The following DENND5A variants were observed in gnomAD, a reference collection of about 807,000 sequenced individuals.
DENND5A encodes the protein DENN domain containing 5A.
In DENND5A, 64 loss-of-function variants were observed where a neutral mutation model predicts 140.3. That is an observed-to-expected ratio of 0.46 (90% confidence interval 0.37 to 0.56). The LOEUF is 0.56. Among genes scored for constraint, DENND5A ranks in the 20% least tolerant of loss-of-function variants. The probability of loss-of-function intolerance (pLI) is 0.00; values close to 1 mark genes in which losing one functional copy is unlikely to be tolerated. For synonymous variants in DENND5A, 605 were observed against 607.7 expected, an observed-to-expected ratio of 1.00 and a Z score of 0.07; for missense variants, 1,292 against 1,593.8, an observed-to-expected ratio of 0.81 and a Z score of 3.22.
chr11:9,229,976 C>T (rs1033175454), intron 1 of DENND5A, among the ~76,000 whole-genome samples: 2 of 135,968 alleles, frequency 1.5e-5, no homozygotes, highest in East Asian at 4.6e-4. Flanking sequence ...GTGATCTCAG[C>T]TCCTTGCAAG....
intron 1 of DENND5A, among the ~76,000 whole-genome samples, chr11:9,249,714 A>C (rs1462393870): frequency 6.6e-6 from 1 of 151,902 alleles, no homozygotes; most frequent in African/African-American, 2.4e-5. Flanking sequence ...TGCCTGGCTA[A>C]TTTTTGTGTA....
At chr11:9,232,670 A>G (rs549050315) in intron 1 of DENND5A, among the ~76,000 whole-genome samples, 1 of 152,322 alleles carries the variant, frequency 6.6e-6, no homozygotes, top group Admixed American at 6.5e-5. Context: ...GGCAGCACCT[A>G]CTAAAGCTGA....
At chr11:9,179,199 G>A (rs1848645232) in intron 6 of DENND5A, 126 bp from the exon 7 acceptor site, 9 of 746,654 alleles carry the variant, frequency 1.2e-5, no homozygotes, top group South Asian at 5.9e-5. Context: ...GAAATGATGA[G>A]AACAAAAGAG....
intron 4 of DENND5A, among the ~76,000 whole-genome samples, chr11:9,202,186 A>G (rs1390434301): frequency 6.6e-6 from 1 of 152,222 alleles, no homozygotes; most frequent in African/African-American, 2.4e-5. Context: ...TGTCTATGTC[A>G]TGAAAGACAA....
At chr11:9,162,731 C>T (rs566148958) in intron 11 of DENND5A, among the ~76,000 whole-genome samples, 2 of 152,204 alleles carry the variant, frequency 1.3e-5, no homozygotes, top group East Asian at 3.9e-4. Context: ...GACAGGGTCT[C>T]TCTCTGTTGC....
intron 1 of DENND5A, among the ~76,000 whole-genome samples, chr11:9,245,937 C>T (rs1851452989): frequency 6.6e-6 from 1 of 152,100 alleles, no homozygotes; most frequent in Non-Finnish European, 1.5e-5. Context: ...CCCAACCTAT[C>T]TCTTCATAAT....
intron 4 of DENND5A, among the ~76,000 whole-genome samples, chr11:9,198,263 T>C (rs549144286): frequency 6.6e-6 from 1 of 151,722 alleles, no homozygotes; most frequent in Non-Finnish European, 1.5e-5. Flanking sequence ...AATCTAGAAG[T>C]AGTCTCTGCT....
chr11:9,144,406 C>T (rs1335266293), intron 18 of DENND5A, 128 bp from the exon 19 acceptor site: 2 of 892,952 alleles, frequency 2.2e-6, no homozygotes, highest in African/African-American at 1.7e-5. Flanking sequence ...CAATGCTCTG[C>T]TGGTTCCACC....
chr11:9,251,819 C>T (rs1306038260), intron 1 of DENND5A, among the ~76,000 whole-genome samples: 1 of 143,854 alleles, frequency 7.0e-6, no homozygotes, highest in Non-Finnish European at 1.5e-5. Flanking sequence ...GAAACCCCGT[C>T]TCTACTAAAA....
Position 9,179,066 on chromosome 11 carries a change from A to G in DENND5A, c.1463T>C (p.Val488Ala), listed in dbSNP as rs780673118. 15 of 1,613,238 alleles carry G rather than the reference A, an allele frequency of 9.3e-6. No homozygotes were observed. Among genetic ancestry groups the G allele is most frequent in the Admixed American group, 1.7e-5 (1 of 59,918 alleles). Reference sequence around the variant, plus strand: ...CTTATTGCTGCTGGGGTCTTCACGCACTTCCAACTACAAAAAAAGAAAAAG... The same window carrying G: ...CTTATTGCTGCTGGGGTCTTCACGCGCTTCCAACTACAAAAAAAGAAAAAG... Reference protein sequence around the residue: ...RTGVSLEKLEVREDPSSNKDL... With the variant: ...RTGVSLEKLEAREDPSSNKDL... Residue 488 changes from valine (V) to alanine (A), a missense_variant, in exon 7 of 23, where the codon GTG becomes GCG. Val to Ala is a moderately conservative substitution (Grantham distance 64). Coordinates refer to ENST00000328194, the MANE Select transcript of DENND5A (RefSeq NM_015213.4).
At chr11:9,199,305 T>C (rs973424051) in intron 4 of DENND5A, among the ~76,000 whole-genome samples, 5 of 152,012 alleles carry the variant, frequency 3.3e-5, no homozygotes, top group Admixed American at 2.6e-4. Flanking sequence ...AAGATCAGCC[T>C]GGGCAACATG....
chr11:9,196,553 T>C (rs1472239404), intron 4 of DENND5A, among the ~76,000 whole-genome samples: 1 of 152,206 alleles, frequency 6.6e-6, no homozygotes, highest in African/African-American at 2.4e-5. Context: ...TCTAATGCTG[T>C]GAATTTCTAC....
rs186317738 is a variant in DENND5A, at chr11:9,212,525, C to T, written c.110-4893G>A. Among the ~76,000 whole-genome samples, 458 of 151,668 alleles carry T rather than the reference C, an allele frequency of 3.0e-3. 1 individual carries two copies. Among genetic ancestry groups the T allele is most frequent in the African/African-American group, 0.01 (421 of 41,354 alleles). ...TGATAAGAGAGAACCTTGAAAAGAG[C>T]TAGAAAGAAAGGATACACATTATAT... On this transcript the variant is annotated intron_variant, in intron 1 of 22. Coordinates refer to ENST00000328194, the MANE Select transcript of DENND5A (RefSeq NM_015213.4).
intron 1 of DENND5A, among the ~76,000 whole-genome samples, chr11:9,251,675 T>C (rs965531300): frequency 6.6e-6 from 1 of 152,178 alleles, no homozygotes; most frequent in Non-Finnish European, 1.5e-5. Context: ...TTTGACTAAC[T>C]GCTTCACTTA....
At chr11:9,228,567 A>C (rs1850629260) in intron 1 of DENND5A, among the ~76,000 whole-genome samples, 1 of 152,156 alleles carries the variant, frequency 6.6e-6, no homozygotes, top group East Asian at 1.9e-4. Context: ...TGAACAACAT[A>C]GTGAAACCCC....
In DENND5A at chr11:9,229,017, C is replaced by T. The variant is rs1026568904; in HGVS notation, c.110-21385G>A. On this transcript the variant is annotated intron_variant, in intron 1 of 22. Coordinates refer to ENST00000328194, the MANE Select transcript of DENND5A (RefSeq NM_015213.4). ...TATAGCAGGTTGGTCAAAGTACAGACGGGCGGCAATCTGGGACTTTACTGG... is the reference window on the plus strand; with the variant it reads ...TATAGCAGGTTGGTCAAAGTACAGATGGGCGGCAATCTGGGACTTTACTGG... Among the ~76,000 whole-genome samples the T allele has an allele frequency of 9.2e-5, 14 of 152,288 alleles. No individual in the cohort carries two copies. In the South Asian group the frequency reaches 2.3e-3, roughly 25 times the overall value.
At chr11:9,170,533 C>T in intron 9 of DENND5A, 94 bp downstream of exon 9, 3 of 1,464,046 alleles carry the variant, frequency 2.0e-6, no homozygotes, top group Non-Finnish European at 2.8e-6. Flanking sequence ...TAGAAAAGTA[C>T]AAGGTCTTCT....
chr11:9,165,647 T>C (rs1458095142), intron 11 of DENND5A, among the ~76,000 whole-genome samples, 189 bp downstream of exon 11: 3 of 152,168 alleles, frequency 2.0e-5, no homozygotes, highest in African/African-American at 7.2e-5. Context: ...TTCTCCAAGT[T>C]GGTCTTGAAC....
intron 1 of DENND5A, among the ~76,000 whole-genome samples, chr11:9,226,269 A>G (rs954455975): frequency 2.0e-5 from 3 of 152,166 alleles, no homozygotes; most frequent in Non-Finnish European, 4.4e-5. Context: ...CTCAAAGGTT[A>G]TTGACATCTA....
Sources: allele counts gnomAD v4.1 joint callset (sites outside exome capture counted in the v4.1 genomes callset), GRCh38; gene constraint gnomAD v4.1.1; transcripts MANE v1.5; gene names NCBI Gene and HGNC (gene_info 2026-07-23, HGNC 2026-07-21).